The following PAG1 variants were observed in gnomAD, a reference collection of about 807,000 sequenced individuals.
PAG1 encodes the protein phosphoprotein membrane anchor with glycosphingolipid microdomains 1, also known as phosphoprotein associated with glycosphingolipid-enriched microdomains 1.
Under a neutral mutation model 31.7 loss-of-function variants are expected in PAG1, and 23 were observed. The ratio of observed to expected loss-of-function variants is 0.73; its 90% CI spans 0.52 to 1.03. PAG1 has a LOEUF of 1.03. Among genes scored for constraint, PAG1 ranks in the 50% least tolerant of loss-of-function variants. The pLI, the probability that PAG1 is intolerant of heterozygous loss-of-function variation, is 0.00. For synonymous variants in PAG1, 214 were observed against 210.3 expected (o/e 1.02, Z -0.15); for missense variants, 473 against 540.7 (o/e 0.87, Z 1.24).
rs779174297 is a variant in PAG1, at chr8:80,993,159, A to G, written c.69T>C (p.Ala23=). 2 of 1,613,936 alleles carry G rather than the reference A, an allele frequency of 1.2e-6. No homozygotes were observed. Among genetic ancestry groups the G allele is most frequent in the Non-Finnish European group, 1.7e-6 (2 of 1,179,922 alleles). ...MQITLWGSLA[A]VAIFFVITFL... is the part of the protein sequence containing the mutation. ...AGGTGATGACGAAGAAAATGGCGAC[A>G]GCAGCCAGACTTCCCCACAGGGTGA... The change falls in exon 4 of 9, where the codon GCT becomes GCC. Residue 23 remains alanine (A), a synonymous_variant. Transcript: ENST00000220597.
At chr8:81,025,439 T>C (rs1363383791) in intron 3 of PAG1, among the ~76,000 whole-genome samples, 1 of 152,120 alleles carries the variant, frequency 6.6e-6, no homozygotes, top group Non-Finnish European at 1.5e-5. Flanking sequence ...AGATTCCACT[T>C]TGGGAAGTTC....
intron 3 of PAG1, among the ~76,000 whole-genome samples, chr8:81,021,173 T>C (rs563679387): frequency 1.3e-5 from 2 of 152,358 alleles, no homozygotes; most frequent in Non-Finnish European, 2.9e-5. Flanking sequence ...GCCTTTGCTA[T>C]AGATGACTAT....
At chr8:81,020,462 A>G (rs959903474) in intron 3 of PAG1, among the ~76,000 whole-genome samples, 1 of 152,148 alleles carries the variant, frequency 6.6e-6, no homozygotes. Context: ...TTGTTCTCAT[A>G]ATGGTGAATG....
At chr8:81,005,603 T>C (rs1050415326) in intron 3 of PAG1, among the ~76,000 whole-genome samples, 1 of 152,210 alleles carries the variant, frequency 6.6e-6, no homozygotes, top group East Asian at 1.9e-4. Context: ...GGAGGGTCTC[T>C]AGTAGAGACA....
intron 2 of PAG1, among the ~76,000 whole-genome samples, chr8:81,046,118 G>T (rs1453451469): frequency 6.6e-6 from 1 of 152,216 alleles, no homozygotes; most frequent in Admixed American, 6.5e-5. Context: ...TCATTTTACA[G>T]ATGATAAAAT....
At position 80,974,117 on chromosome 8, in the gene PAG1, A is replaced by G. The variant is rs1283210466; in HGVS notation, c.*2427T>C. The stretch of plus-strand genomic sequence containing the variant: ...GGGAAATTTTGGTAACAAAATTGCA[A>G]AATGACATGATTATTTATGAGCTTT... On this transcript the variant is annotated 3_prime_UTR_variant, in exon 9 of 9. Transcript: ENST00000220597. The G allele has an allele frequency of 1.3e-5, 2 of 152,110 alleles. No homozygotes were observed. Among genetic ancestry groups the G allele is most frequent in the Non-Finnish European group, 2.9e-5 (2 of 68,022 alleles). The allele number at this position is 152,110 out of a possible 1,614,324, so 9.4% of individuals were successfully genotyped here. A position where few individuals can be genotyped will look rare whatever the true frequency, so the allele number is the denominator to read the frequency against.
chr8:80,979,755 T>C lies in PAG1; in HGVS notation c.936+680A>G, dbSNP rs148772836. Among the ~76,000 whole-genome samples the C allele has an allele frequency of 8.9e-3, 1,359 of 152,326 alleles. 23 individuals carry two copies. Among genetic ancestry groups the C allele is most frequent in the African/African-American group, 0.031 (1,303 of 41,574 alleles). On this transcript the variant is annotated intron_variant, in intron 8 of 8. Transcript: ENST00000220597. The stretch of plus-strand genomic sequence containing the variant: ...ATACAGCTAGATCAATTAAGGTGTT[T>C]AGCTCTCTGAGCATAGCTCAACATT...
chr8:81,047,391 T>C (rs982744293), intron 2 of PAG1, among the ~76,000 whole-genome samples: 1 of 152,364 alleles, frequency 6.6e-6, no homozygotes, highest in Middle Eastern at 3.4e-3. Flanking sequence ...TTCTGACTGA[T>C]GTGAGATGGT....
chr8:81,040,330 A>T (rs2130830831), intron 2 of PAG1, among the ~76,000 whole-genome samples: 1 of 152,260 alleles, frequency 6.6e-6, no homozygotes, highest in South Asian at 2.1e-4. Flanking sequence ...CGGCTATCTG[A>T]GGTCTGAGCC....
intron 1 of PAG1, among the ~76,000 whole-genome samples, chr8:81,072,327 A>G (rs2130975853): frequency 6.6e-6 from 1 of 152,318 alleles, no homozygotes; most frequent in Non-Finnish European, 1.5e-5. Context: ...TGAGGAAATA[A>G]CTATAAACAC....
At position 80,976,544 on chromosome 8, in the gene PAG1, C is replaced by T. The variant is rs984382157; in HGVS notation, c.1299G>A (p.Ter433=). ...LQQGRDITRL[*] ...CTACCCAGGGTTGTCTTCTGGGTTG[C>T]TAGAGCCTGGTAATATCTCTGCCTT... The change falls in exon 9 of 9, where the codon TAG becomes TAA. Residue 433 remains the stop codon, a stop_retained_variant. Coordinates refer to ENST00000220597, the MANE Select transcript of PAG1 (RefSeq NM_018440.4). 3.1e-6 allele frequency: 5 copies of T among 1,607,658 alleles called. No homozygotes were observed. The highest frequency in any genetic ancestry group is 4.2e-6 in the Non-Finnish European group (5 of 1,177,586).
chr8:81,058,835 T>G (rs1410423341), intron 2 of PAG1, among the ~76,000 whole-genome samples: 1 of 152,140 alleles, frequency 6.6e-6, no homozygotes, highest in Non-Finnish European at 1.5e-5. Flanking sequence ...AGTTGGAGGC[T>G]GCACTGAGGT....
rs895267 is a variant in PAG1, at chr8:80,993,298, G to A, written c.-71C>T. ...TCAAAGGTGGTGACATGGAGGCAGA[G>A]AGCTGTGTCCTGCAAAGAGACCAGT... On this transcript the variant is annotated 5_prime_UTR_variant, in exon 4 of 9. Transcript: ENST00000220597. 456,847 of 1,483,912 alleles carry A rather than the reference G, an allele frequency of 0.31. 77,406 individuals carry two copies. The highest frequency in any genetic ancestry group is 0.66 in the African/African-American group (46,963 of 71,078). The allele number at this position is 1,483,912 out of a possible 1,614,324, so 91.9% of individuals were successfully genotyped here.
intron 2 of PAG1, among the ~76,000 whole-genome samples, chr8:81,048,996 T>C (rs1218558749): frequency 6.6e-6 from 1 of 152,246 alleles, no homozygotes; most frequent in Admixed American, 6.5e-5. Flanking sequence ...CTAACGATTA[T>C]GACTTTATTA....
intron 4 of PAG1, 103 bp from the exon 5 acceptor site, chr8:80,991,633 G>T (rs1039309596): frequency 7.4e-6 from 6 of 810,744 alleles, no homozygotes; most frequent in African/African-American, 6.8e-5. Context: ...TAAATCTCTC[G>T]TTTTAAGAAC....
Position 80,976,654 on chromosome 8 carries a change from C to T in PAG1, c.1189G>A (p.Glu397Lys). The T allele has an allele frequency of 6.2e-7, 1 of 1,614,178 alleles. No homozygotes were observed. The highest frequency in any genetic ancestry group is 8.5e-7 in the Non-Finnish European group (1 of 1,180,026). The change falls in exon 9 of 9, where the codon GAA becomes AAA. Residue 397 changes from glutamate (E) to lysine (K), a missense_variant. Glu to Lys is a moderately conservative substitution (Grantham distance 56). Transcript: ENST00000220597. ...TTGGTCCCCAGGGTGGCCTTTTCTT[C>T]CTCTCTGTTGAGAGTCTGTATCGCT... ...YEAIQTLNREEEKATLGTNGH... is the reference protein window; with the variant it reads ...YEAIQTLNREKEKATLGTNGH...
chr8:81,006,330 T>C (rs2130630846), intron 3 of PAG1, among the ~76,000 whole-genome samples: 1 of 152,336 alleles, frequency 6.6e-6, no homozygotes, highest in Admixed American at 6.5e-5. Context: ...GGTCTCGTGC[T>C]TGTGAGTCCT....
intron 3 of PAG1, among the ~76,000 whole-genome samples, chr8:81,028,052 G>A (rs1157774606): frequency 2.0e-5 from 3 of 152,114 alleles, no homozygotes; most frequent in African/African-American, 7.2e-5. Flanking sequence ...AGCTCACACT[G>A]TCTGTGAACA....
In PAG1 at chr8:80,985,053, T is replaced by C. The variant is rs1807387777; in HGVS notation, c.599A>G (p.His200Arg). Residue 200 changes from histidine to arginine, a missense_variant, in exon 7 of 9, where the codon CAC (histidine) becomes CGC (arginine). Physicochemically the swap from His to Arg is conservative, Grantham distance 29. Coordinates refer to ENST00000220597, the MANE Select transcript of PAG1 (RefSeq NM_018440.4). The stretch of plus-strand genomic sequence containing the variant: ...AGAAGTAGATTTTGCCTTGCCACTG[T>C]GGCCTTTCTCCAGGTGTGCAGCTGC... Reference protein sequence around the residue: ...VAAAAHLEKGHSGKAKSTSAS... With the variant: ...VAAAAHLEKGRSGKAKSTSAS... The C allele has an allele frequency of 1.3e-5, 21 of 1,614,094 alleles. No homozygotes were observed. The highest frequency in any genetic ancestry group is 1.7e-5 in the Non-Finnish European group (20 of 1,180,046).
Sources: gnomAD v4.1 joint callset for allele counts (sites outside exome capture counted in the v4.1 genomes callset) on GRCh38, gnomAD v4.1.1 for gene constraint, MANE v1.5 for transcripts, NCBI Gene and HGNC (gene_info 2026-07-23, HGNC 2026-07-21) for gene names.